Variants in CLCN5 observed in about 807,000 individuals in gnomAD.
The protein encoded by CLCN5 is Cl-/H+ antiporter 5, also known as H(+)/Cl(-) exchange transporter 5.
A neutral mutation model predicts 54.0 loss-of-function variants in CLCN5; 17 were observed. That is an observed-to-expected ratio of 0.31 (90% CI 0.22 to 0.47). The LOEUF is 0.47. Ranked by LOEUF, CLCN5 falls within the 20% of genes least tolerant of loss-of-function variation. The probability of loss-of-function intolerance (pLI) is 1.00; values close to 1 mark genes in which losing one functional copy is unlikely to be tolerated. For missense variants in CLCN5, 448 were observed against 646.7 expected (o/e 0.69, Z 3.33); for synonymous variants, 222 against 233.0 (o/e 0.95, Z 0.43).
At chrX:49,952,464 T>C (rs1210930553) in intron 3 of CLCN5, among the ~76,000 whole-genome samples, 1 of 108,259 alleles carries the variant, frequency 9.2e-6, no homozygotes, top group South Asian at 4.1e-4. Context: ...CTCCAGTCTA[T>C]ATTTGCAGAC....
intron 3 of CLCN5, among the ~76,000 whole-genome samples, chrX:49,952,475 G>A (rs1557173192): frequency 9.8e-6 from 1 of 102,494 alleles, no homozygotes; most frequent in Non-Finnish European, 2.0e-5. Flanking sequence ...ATTTGCAGAC[G>A]GGCTGACTTT....
intron 3 of CLCN5, among the ~76,000 whole-genome samples, chrX:49,985,188 C>T (rs1230115987): frequency 1.8e-5 from 2 of 110,869 alleles, no homozygotes; most frequent in South Asian, 3.8e-4. Flanking sequence ...TTAATACAGG[C>T]GTGTAGAGCT....
intron 3 of CLCN5, among the ~76,000 whole-genome samples, chrX:49,970,861 A>G: frequency 9.0e-6 from 1 of 111,422 alleles, no homozygotes. Flanking sequence ...CAGCTGCAGC[A>G]TTTTACATTT....
intron 3 of CLCN5, among the ~76,000 whole-genome samples, chrX:50,022,935 G>GA (rs1204700467): frequency 1.2e-4 from 10 of 83,166 alleles, no homozygotes; most frequent in Admixed American, 1.0e-3. Flanking sequence ...GTGTGGTGCT[G>GA]AAAAAAATGT....
intron 3 of CLCN5, among the ~76,000 whole-genome samples, chrX:49,970,135 T>G (rs186406373): frequency 2.9e-4 from 32 of 111,669 alleles, no homozygotes; most frequent in African/African-American, 1.0e-3. Flanking sequence ...CCTATTTATA[T>G]CATTATATTT....
chrX:49,937,745 A>G (rs944250058), intron 3 of CLCN5, among the ~76,000 whole-genome samples: 1 of 112,132 alleles, frequency 8.9e-6, no homozygotes, highest in Non-Finnish European at 1.9e-5. Flanking sequence ...AAATGTTTCA[A>G]TGTGTAGAAT....
At chrX:50,059,946 G>C (rs1932823978) in intron 4 of CLCN5, among the ~76,000 whole-genome samples, 1 of 104,545 alleles carries the variant, frequency 9.6e-6, no homozygotes, top group Non-Finnish European at 1.9e-5. Flanking sequence ...CTGCTAAAGT[G>C]TGAAATAATC....
At chrX:50,072,385 T>C in intron 5 of CLCN5, 104 bp from the exon 6 acceptor site, 2 of 595,921 alleles carry the variant, frequency 3.4e-6, no homozygotes, top group South Asian at 4.7e-5. Context: ...TCTAAATTGG[T>C]CTCTATTCTC....
At chrX:49,983,247 C>T (rs1244089753) in intron 3 of CLCN5, among the ~76,000 whole-genome samples, 2 of 112,049 alleles carry the variant, frequency 1.8e-5, no homozygotes, top group Non-Finnish European at 3.8e-5. Context: ...GGAGTATTAG[C>T]TCAGAACAAT....
chrX:49,988,267 C>T (rs1370404554), intron 3 of CLCN5, among the ~76,000 whole-genome samples: 7 of 111,451 alleles, frequency 6.3e-5, no homozygotes, highest in Admixed American at 1.9e-4. Flanking sequence ...GGGGTGATTC[C>T]GGTTCAGCCT....
At chrX:49,984,144 T>G (rs1928876052) in intron 3 of CLCN5, among the ~76,000 whole-genome samples, 1 of 111,964 alleles carries the variant, frequency 8.9e-6, no homozygotes, top group Non-Finnish European at 1.9e-5. Context: ...CTTTTAAAAT[T>G]AGAAACAAAT....
chrX:49,935,846 A>G (rs782285377), intron 3 of CLCN5, among the ~76,000 whole-genome samples: 1 of 110,949 alleles, frequency 9.0e-6, no homozygotes, highest in African/African-American at 3.3e-5. Context: ...GGGACAGGCC[A>G]CACAGGGTTT....
chrX:50,059,114 A>G (rs1557189498), intron 4 of CLCN5, among the ~76,000 whole-genome samples: 1 of 112,152 alleles, frequency 8.9e-6, no homozygotes, highest in African/African-American at 3.2e-5. Context: ...AACCAGCTAG[A>G]TGTGGAATAT....
At chrX:49,998,506 T>TGAA (rs1175283870) in intron 3 of CLCN5, among the ~76,000 whole-genome samples, 4 of 111,877 alleles carry the variant, frequency 3.6e-5, no homozygotes, top group Non-Finnish European at 5.6e-5. Context: ...ACAAGCCTTC[T>TGAA]ACCTCAGGCC....
chrX:49,961,266 G>A (rs1927581680), intron 3 of CLCN5, among the ~76,000 whole-genome samples: 2 of 112,303 alleles, frequency 1.8e-5, no homozygotes, highest in African/African-American at 6.5e-5. Flanking sequence ...ATAAGGAAGT[G>A]CTACCTTTTT....
At chrX:49,962,333 G>A (rs1375829583) in intron 3 of CLCN5, among the ~76,000 whole-genome samples, 1 of 111,512 alleles carries the variant, frequency 9.0e-6, no homozygotes, top group African/African-American at 3.3e-5. Context: ...TCACGCAGCA[G>A]CTGGAAAATG....
At chrX:49,922,916 C>T (rs1401155072) in intron 1 of CLCN5, 124 bp downstream of exon 1, 11 of 112,938 alleles carry the variant, frequency 9.7e-5, no homozygotes, top group Admixed American at 9.2e-4. Flanking sequence ...TGGCTTGGAC[C>T]CCCGGAGATG....
In CLCN5 at chrX:49,922,989, G is replaced by A. The variant is rs1227217751; in HGVS notation, c.-205+197G>A. 7.1e-5 allele frequency among the ~76,000 whole-genome samples: 8 copies of A among 113,175 alleles called. No homozygotes were observed. The East Asian group carries it at 2.0e-3, about 28-fold the overall frequency. On this transcript the variant is annotated intron_variant, in intron 1 of 14. Transcript: ENST00000376091. ...AGAGGAGGTAGACAGGCTAGTTCCAGCCAGTGCTGAGCGGCGTCTTCCCGG... is the reference window on the plus strand; with the variant it reads ...AGAGGAGGTAGACAGGCTAGTTCCAACCAGTGCTGAGCGGCGTCTTCCCGG...
chrX:50,086,166 A>G, intron 10 of CLCN5, 106 bp downstream of exon 10: 1 of 850,919 alleles, frequency 1.2e-6, no homozygotes, highest in Admixed American at 2.3e-5. Context: ...TGTATATCCC[A>G]GTCCCTGAGT....
Sources: allele counts gnomAD v4.1 joint callset (sites outside exome capture counted in the v4.1 genomes callset), GRCh38; gene constraint gnomAD v4.1.1; transcripts MANE v1.5; gene names NCBI Gene and HGNC (gene_info 2026-07-23, HGNC 2026-07-21).